The following WDFY4 variants were observed in gnomAD, a reference collection of about 807,000 sequenced individuals.
WDFY4 encodes WD repeat- and FYVE domain-containing protein 4.
In WDFY4, 169 loss-of-function variants were observed where a neutral mutation model predicts 351.9. The observed-to-expected ratio is 0.48, with a 90% CI of 0.42 to 0.55. The LOEUF (loss-of-function observed/expected upper bound fraction) is 0.55, where lower values mean the gene tolerates loss of function less well. WDFY4 is among the 20% of genes least tolerant of loss of function. The pLI is 0.00. For missense variants in WDFY4, 3,803 were observed against 3,935.6 expected, an observed-to-expected ratio of 0.97 and a Z score of 0.90; for synonymous variants, 1,622 against 1,574.6, an observed-to-expected ratio of 1.03 and a Z score of -0.71.
intron 36 of WDFY4, 116 bp downstream of exon 36, chr10:48,827,025 A>G (rs1032737751): frequency 2.3e-6 from 2 of 863,484 alleles, no homozygotes; most frequent in Non-Finnish European, 3.5e-6. Flanking sequence ...CCTTTTGTTT[A>G]TCTGGTCTTC....
At chr10:48,738,926 G>A (rs1442195026) in intron 11 of WDFY4, among the ~76,000 whole-genome samples, 1 of 152,116 alleles carries the variant, frequency 6.6e-6, no homozygotes, top group Non-Finnish European at 1.5e-5. Flanking sequence ...AGCAACTTAG[G>A]GCAGTTATTT....
chr10:48,914,149 T>C (rs1838281986), intron 47 of WDFY4: 1 of 1,612,682 alleles, frequency 6.2e-7, no homozygotes, highest in Non-Finnish European at 8.5e-7. Context: ...TTCTCACCCT[T>C]AACCATGTTC....
rs148040088 is a variant in WDFY4, at chr10:48,714,804, G to A, written c.234+4838G>A. On this transcript the variant is annotated intron_variant, in intron 2 of 61. Coordinates refer to ENST00000325239, the MANE Select transcript of WDFY4 (RefSeq NM_001394531.1). ...ATCAGTGTCTGAGATAGACAACTTG[G>A]GAGGTGGGACCACATTGGAGAAAAG... Among the ~76,000 whole-genome samples the A allele has an allele frequency of 7.3e-3, 1,117 of 152,340 alleles. 7 individuals carry two copies. Among genetic ancestry groups the A allele is most frequent in the South Asian group, 0.011 (53 of 4,824 alleles).
intron 43 of WDFY4, 149 bp downstream of exon 43, chr10:48,877,348 G>T: frequency 1.3e-6 from 1 of 793,978 alleles, no homozygotes; most frequent in Non-Finnish European, 1.9e-6. Context: ...AGTGAAAAAA[G>T]GGATAGATTC....
chr10:48,786,608 C>T, intron 19 of WDFY4, 31 bp from the exon 20 acceptor site: 3 of 1,501,618 alleles, frequency 2.0e-6, no homozygotes, highest in Non-Finnish European at 2.7e-6. Context: ...AGATCAAACA[C>T]TACTCACTCT....
chr10:48,806,117 C>T (rs749235105), intron 27 of WDFY4, 22 bp downstream of exon 27: 18 of 1,550,358 alleles, frequency 1.2e-5, no homozygotes, highest in Middle Eastern at 1.7e-4. Flanking sequence ...TTTGCCAGTT[C>T]GAAGGCAGTA....
chr10:48,945,173 C>G, intron 49 of WDFY4, among the ~76,000 whole-genome samples: 1 of 152,130 alleles, frequency 6.6e-6, no homozygotes. Context: ...CCCAGGAGTT[C>G]AAGACCAGCC....
intron 33 of WDFY4, 89 bp from the exon 34 acceptor site, chr10:48,820,973 A>G: frequency 1.1e-6 from 1 of 880,254 alleles, no homozygotes; most frequent in Non-Finnish European, 1.8e-6. Flanking sequence ...ATGCGGCATA[A>G]GTGTCCCAGC....
At chr10:48,854,618 C>G (rs2069074169) in intron 39 of WDFY4, among the ~76,000 whole-genome samples, 1 of 152,180 alleles carries the variant, frequency 6.6e-6, no homozygotes, top group Non-Finnish European at 1.5e-5. Flanking sequence ...TGAGTGATCT[C>G]TCCTGTAATG....
At chr10:48,774,861 G>A (rs1445852017) in intron 14 of WDFY4, among the ~76,000 whole-genome samples, 189 bp downstream of exon 14, 1 of 152,204 alleles carries the variant, frequency 6.6e-6, no homozygotes, top group African/African-American at 2.4e-5. Context: ...TGCCCACAAA[G>A]CAGACATAGC....
chr10:48,772,166 G>A (rs2065884953), intron 13 of WDFY4, among the ~76,000 whole-genome samples: 1 of 152,174 alleles, frequency 6.6e-6, no homozygotes, highest in South Asian at 2.1e-4. Flanking sequence ...AAGGACTCGG[G>A]AGGGAAGGAG....
chr10:48,850,934 T>C (rs2068937614), intron 39 of WDFY4, among the ~76,000 whole-genome samples: 1 of 152,246 alleles, frequency 6.6e-6, no homozygotes, highest in African/African-American at 2.4e-5. Flanking sequence ...CAGCACATTG[T>C]ATATTCTGTT....
chr10:48,691,843 C>T (rs921986457), intron 1 of WDFY4, among the ~76,000 whole-genome samples: 3 of 152,194 alleles, frequency 2.0e-5, no homozygotes, highest in Admixed American at 1.3e-4. Flanking sequence ...CGTTAAAACA[C>T]GCTGTCAGGA....
intron 47 of WDFY4, among the ~76,000 whole-genome samples, chr10:48,931,463 C>T (rs1000023381): frequency 3.3e-5 from 5 of 152,174 alleles, no homozygotes; most frequent in Admixed American, 6.5e-5. Flanking sequence ...CACAGAGGGC[C>T]GTGCTATAAA....
chr10:48,714,919 A>C (rs1427274551), intron 2 of WDFY4, among the ~76,000 whole-genome samples: 5 of 152,230 alleles, frequency 3.3e-5, no homozygotes, highest in African/African-American at 1.2e-4. Flanking sequence ...CTTCCCCTTG[A>C]ATCTAGATGG....
intron 1 of WDFY4, among the ~76,000 whole-genome samples, chr10:48,708,230 G>A (rs965762740): frequency 3.9e-5 from 6 of 152,192 alleles, no homozygotes; most frequent in African/African-American, 1.4e-4. Context: ...GCTCGAAGAG[G>A]AGCTGGGGGA....
intron 39 of WDFY4, among the ~76,000 whole-genome samples, chr10:48,854,983 T>C (rs1253278095): frequency 6.6e-6 from 1 of 152,242 alleles, no homozygotes; most frequent in Non-Finnish European, 1.5e-5. Flanking sequence ...TCACTTGTAA[T>C]GCTCATAATG....
intron 23 of WDFY4, among the ~76,000 whole-genome samples, chr10:48,792,148 C>T (rs2066704624): frequency 6.6e-6 from 1 of 152,224 alleles, no homozygotes; most frequent in Non-Finnish European, 1.5e-5. Flanking sequence ...CTTCTCCAAT[C>T]ATTAAACAGT....
At chr10:48,779,129 A>G (rs2066135822) in intron 18 of WDFY4, among the ~76,000 whole-genome samples, 1 of 152,214 alleles carries the variant, frequency 6.6e-6, no homozygotes, top group Admixed American at 6.5e-5. Context: ...GAACAGTCAC[A>G]ATGGGACCCA....
Sources: gnomAD v4.1 joint callset for allele counts (sites outside exome capture counted in the v4.1 genomes callset) on GRCh38, gnomAD v4.1.1 for gene constraint, MANE v1.5 for transcripts, NCBI Gene and HGNC (gene_info 2026-07-23, HGNC 2026-07-21) for gene names.